QTMAN: variants seen among roughly 807,000 people sequenced by gnomAD.
QTMAN encodes the protein queuosine-tRNA mannosyltransferase.
chr2:144,015,700 G>A, the QTMAN span, among the ~76,000 whole-genome samples: 1 of 152,200 alleles, frequency 6.6e-6, no homozygotes, highest in Non-Finnish European at 1.5e-5. Context: ...CAGTAAGCCT[G>A]TGAAGAAGAT....
chr2:144,142,140 T>G, the QTMAN span: 1 of 883,236 alleles, frequency 1.1e-6, no homozygotes, highest in South Asian at 1.7e-5. Context: ...TATGGATTAA[T>G]CAGAGTTTAT....
chr2:144,282,697 C>G, the QTMAN span, among the ~76,000 whole-genome samples: 1 of 151,916 alleles, frequency 6.6e-6, no homozygotes, highest in Non-Finnish European at 1.5e-5. Context: ...CACAGAACTT[C>G]TAAATCCCTT....
chr2:144,177,686 C>G, the QTMAN span, among the ~76,000 whole-genome samples: 1 of 152,034 alleles, frequency 6.6e-6, no homozygotes, highest in African/African-American at 2.4e-5. Flanking sequence ...CAAAGAAGTA[C>G]TAAAAGGATT....
At chr2:144,080,547 T>G in the QTMAN span, among the ~76,000 whole-genome samples, 1 of 152,206 alleles carries the variant, frequency 6.6e-6, no homozygotes, top group East Asian at 1.9e-4. Context: ...ATCAGCATTG[T>G]TATTATGTCT....
At chr2:144,149,102 GA>G in the QTMAN span, among the ~76,000 whole-genome samples, 1 of 151,850 alleles carries the variant, frequency 6.6e-6, no homozygotes, top group African/African-American at 2.4e-5. Context: ...TTTAAAAATT[GA>G]TAATAATACA....
At chr2:144,115,179 C>T in the QTMAN span, among the ~76,000 whole-genome samples, 5 of 151,522 alleles carry the variant, frequency 3.3e-5, no homozygotes, top group Admixed American at 6.6e-5. Context: ...TGCAGTAAGC[C>T]GAGATCACAC....
chr2:144,052,268 G>A, the QTMAN span, among the ~76,000 whole-genome samples: 8 of 152,202 alleles, frequency 5.3e-5, no homozygotes, highest in African/African-American at 1.7e-4. Flanking sequence ...TGAAATACAA[G>A]GGTGTTTGTG....
At chr2:144,082,867 C>A in the QTMAN span, among the ~76,000 whole-genome samples, 1 of 151,906 alleles carries the variant, frequency 6.6e-6, no homozygotes, top group Non-Finnish European at 1.5e-5. Flanking sequence ...GGGTTATCAT[C>A]TAAAAGGAAT....
At chr2:144,007,550 G>GTAT in the QTMAN span, 2 of 1,502,770 alleles carry the variant, frequency 1.3e-6, no homozygotes, top group Non-Finnish European at 1.8e-6. Context: ...TACAAAAAAA[G>GTAT]AATGCAATAT....
the QTMAN span, among the ~76,000 whole-genome samples, chr2:144,210,223 C>T: frequency 6.6e-6 from 1 of 152,068 alleles, no homozygotes. Context: ...GACAAGTTAC[C>T]TAATTTTGTA....
the QTMAN span, among the ~76,000 whole-genome samples, chr2:144,044,123 A>G: frequency 6.6e-6 from 1 of 152,198 alleles, no homozygotes; most frequent in Non-Finnish European, 1.5e-5. Context: ...TAGCATCAAC[A>G]TATTCTAAAG....
At chr2:143,970,258 T>C in the QTMAN span, among the ~76,000 whole-genome samples, 2 of 152,202 alleles carry the variant, frequency 1.3e-5, no homozygotes, top group Admixed American at 1.3e-4. Context: ...ATGCTTTACA[T>C]AGGCCACCTA....
the QTMAN span, among the ~76,000 whole-genome samples, chr2:144,274,115 A>G: frequency 6.6e-6 from 1 of 152,144 alleles, no homozygotes; most frequent in African/African-American, 2.4e-5. Flanking sequence ...GCCTGGCAAC[A>G]CAGCGAGACT....
At chr2:144,151,890 T>C in the QTMAN span, among the ~76,000 whole-genome samples, 1 of 152,364 alleles carries the variant, frequency 6.6e-6, no homozygotes, top group South Asian at 2.1e-4. Flanking sequence ...CCATTTCTAC[T>C]GCATGTTTAA....
the QTMAN span, among the ~76,000 whole-genome samples, chr2:143,962,637 C>T: frequency 6.6e-6 from 1 of 151,670 alleles, no homozygotes; most frequent in African/African-American, 2.4e-5. Context: ...AGTCAAGGGC[C>T]CAGAAGAAAA....
the QTMAN span, among the ~76,000 whole-genome samples, chr2:144,263,444 T>C: frequency 6.6e-6 from 1 of 152,176 alleles, no homozygotes; most frequent in African/African-American, 2.4e-5. Flanking sequence ...GCTCTACCAA[T>C]CATGTGCTCT....
chr2:144,054,056 T>G, the QTMAN span, among the ~76,000 whole-genome samples: 2,056 of 151,794 alleles, frequency 0.014, 29 homozygotes, highest in East Asian at 0.069. Context: ...GGCGGGGTGG[T>G]GGGCGCCTGT....
the QTMAN span, among the ~76,000 whole-genome samples, chr2:144,044,467 G>A: frequency 3.1e-4 from 47 of 152,100 alleles, no homozygotes; most frequent in Admixed American, 1.3e-3. Context: ...CACATCTGAA[G>A]TCTATTGAAA....
the QTMAN span, among the ~76,000 whole-genome samples, chr2:144,214,210 T>C: frequency 6.6e-6 from 1 of 152,112 alleles, no homozygotes; most frequent in Non-Finnish European, 1.5e-5. Context: ...TACAATCAAT[T>C]ATCATATGGG....
Sources: gnomAD v4.1 joint callset for allele counts (sites outside exome capture counted in the v4.1 genomes callset) on GRCh38, gnomAD v4.1.1 for gene constraint, MANE v1.5 for transcripts, NCBI Gene and HGNC (gene_info 2026-07-23, HGNC 2026-07-21) for gene names.